The following CMC1 variants were observed in gnomAD, a reference collection of about 807,000 sequenced individuals.
The protein encoded by CMC1 is C-X9-C motif containing 1, also known as COX assembly mitochondrial protein homolog.
Under a neutral mutation model 14.1 loss-of-function variants are expected in CMC1, and 14 were observed. The observed-to-expected ratio is 0.99, with a 90% CI of 0.66 to 1.55. The LOEUF is 1.55. Ranked by LOEUF, CMC1 falls within the 40% of genes most tolerant of loss-of-function variation. The probability of loss-of-function intolerance (pLI) is 0.00; values close to 1 mark genes in which losing one functional copy is unlikely to be tolerated. For missense variants in CMC1, 127 were observed against 123.8 expected (o/e 1.03, Z -0.12); for synonymous variants, 50 against 38.4 (o/e 1.30, Z -1.12).
chr3:28,315,064 A>T (rs1702824605), intron 2 of CMC1: 2 of 152,146 alleles, frequency 1.3e-5, no homozygotes, highest in South Asian at 4.1e-4. Context: ...GATGTTTAAG[A>T]TCTCACTTGG....
At chr3:28,294,301 T>C (rs1270361396) in intron 2 of CMC1, 1 of 158,044 alleles carries the variant, frequency 6.3e-6, no homozygotes, top group African/African-American at 2.4e-5. Flanking sequence ...ATGAAAAAAT[T>C]TTTTATAATT....
chr3:28,297,364 C>T (rs1282491219), intron 2 of CMC1, among the ~76,000 whole-genome samples: 1 of 151,956 alleles, frequency 6.6e-6, no homozygotes, highest in Non-Finnish European at 1.5e-5. Context: ...ACTATAGCCA[C>T]CATTACTGTG....
chr3:28,283,920 T>A (rs1299231757), intron 2 of CMC1, among the ~76,000 whole-genome samples: 1 of 152,214 alleles, frequency 6.6e-6, no homozygotes, highest in Admixed American at 6.5e-5. Context: ...GAATCCTAGA[T>A]TGTGTCAGTA....
chr3:28,285,836 G>A (rs1468808147), intron 2 of CMC1, among the ~76,000 whole-genome samples: 2 of 149,792 alleles, frequency 1.3e-5, no homozygotes, highest in Non-Finnish European at 3.0e-5. Context: ...GCGCGATCTT[G>A]GCTCACTGCA....
At chr3:28,276,086 G>A (rs887783082) in intron 2 of CMC1, among the ~76,000 whole-genome samples, 1 of 152,082 alleles carries the variant, frequency 6.6e-6, no homozygotes, top group African/African-American at 2.4e-5. Context: ...CTCTCCCCGG[G>A]AACTCAGTAG....
chr3:28,299,419 A>G (rs1398323224), intron 2 of CMC1, among the ~76,000 whole-genome samples: 3 of 152,118 alleles, frequency 2.0e-5, no homozygotes. Flanking sequence ...CTGAACCATG[A>G]TCCATCTAGA....
intron 2 of CMC1, among the ~76,000 whole-genome samples, chr3:28,301,225 A>T (rs1477950029): frequency 3.3e-5 from 5 of 151,982 alleles, no homozygotes; most frequent in Admixed American, 2.6e-4. Context: ...GAACCTATTT[A>T]TTTACTATTT....
chr3:28,307,249 C>T (rs1176039910), intron 2 of CMC1, among the ~76,000 whole-genome samples: 2 of 152,120 alleles, frequency 1.3e-5, no homozygotes, highest in Non-Finnish European at 2.9e-5. Flanking sequence ...GATGAGAATA[C>T]TATATTTCCT....
intron 1 of CMC1, among the ~76,000 whole-genome samples, chr3:28,254,685 C>A (rs1328990362): frequency 1.3e-5 from 2 of 151,832 alleles, no homozygotes. Context: ...TTATTTAAGA[C>A]CATTGGAAGA....
intron 1 of CMC1, among the ~76,000 whole-genome samples, chr3:28,251,683 A>G (rs1377491861): frequency 3.3e-5 from 5 of 152,238 alleles, no homozygotes; most frequent in Non-Finnish European, 7.3e-5. Context: ...CTCCTATTCC[A>G]TTATCAAAGT....
intron 2 of CMC1, among the ~76,000 whole-genome samples, chr3:28,313,340 T>C (rs1156648091): frequency 1.3e-5 from 2 of 152,210 alleles, no homozygotes; most frequent in African/African-American, 2.4e-5. Flanking sequence ...CTACTGTTTA[T>C]TGATATTCTT....
At chr3:28,278,676 A>G (rs1489944822) in intron 2 of CMC1, among the ~76,000 whole-genome samples, 1 of 152,248 alleles carries the variant, frequency 6.6e-6, no homozygotes, top group African/African-American at 2.4e-5. Flanking sequence ...ACATGGTGTT[A>G]GATACAGTGG....
intron 1 of CMC1, among the ~76,000 whole-genome samples, chr3:28,255,533 A>T (rs373642118): frequency 6.6e-6 from 1 of 152,062 alleles, no homozygotes; most frequent in Admixed American, 6.6e-5. Context: ...GGCATGAACC[A>T]CTGTGCCCGG....
intron 2 of CMC1, among the ~76,000 whole-genome samples, chr3:28,290,430 AT>A (rs1355034693): frequency 6.6e-6 from 1 of 152,158 alleles, no homozygotes; most frequent in Admixed American, 6.6e-5. Flanking sequence ...GTAGATACAC[AT>A]TGCATCAGTA....
At chr3:28,275,324 G>GTTTTTTTTTTTTT (rs1559416008) in intron 2 of CMC1, among the ~76,000 whole-genome samples, 2 of 108,454 alleles carry the variant, frequency 1.8e-5, no homozygotes, top group Non-Finnish European at 2.1e-5. Flanking sequence ...ACTGTTAGTT[G>GTTTTTTTTTTTTT]TTTGTTTTTT....
At chr3:28,305,608 T>C (rs943870197) in intron 2 of CMC1, among the ~76,000 whole-genome samples, 9 of 152,126 alleles carry the variant, frequency 5.9e-5, no homozygotes, top group African/African-American at 2.2e-4. Context: ...AAGTATTTTC[T>C]CCTTTTCTCT....
At position 28,309,629 on chromosome 3, in the gene CMC1, C is replaced by A. The variant is rs1441707611; in HGVS notation, c.110-6704C>A. 2.0e-5 allele frequency among the ~76,000 whole-genome samples: 3 copies of A among 152,188 alleles called. No homozygotes were observed. In the South Asian group the frequency reaches 6.2e-4, roughly 32 times the overall value. ...TTGGACTATTGTACTAACTTTCTAT[C>A]CAGTTTTCTTATTTCCAGTTCTGTT... On this transcript the variant is annotated intron_variant, in intron 2 of 3. Coordinates refer to ENST00000466830, the MANE Select transcript of CMC1 (RefSeq NM_182523.2).
intron 1 of CMC1, among the ~76,000 whole-genome samples, chr3:28,259,898 CT>C (rs1229122649): frequency 6.6e-6 from 1 of 151,826 alleles, no homozygotes; most frequent in Non-Finnish European, 1.5e-5. Flanking sequence ...TACCATGTTT[CT>C]TTTTTTATAG....
At chr3:28,302,253 A>G (rs1201031016) in intron 2 of CMC1, among the ~76,000 whole-genome samples, 1 of 152,194 alleles carries the variant, frequency 6.6e-6, no homozygotes. Flanking sequence ...TCCATTGTGT[A>G]AGTGATGAGA....
Sources: gnomAD v4.1 joint callset for allele counts (sites outside exome capture counted in the v4.1 genomes callset) on GRCh38, gnomAD v4.1.1 for gene constraint, MANE v1.5 for transcripts, NCBI Gene and HGNC (gene_info 2026-07-23, HGNC 2026-07-21) for gene names.